Variants in KPNA2 observed in about 807,000 individuals in gnomAD.
KPNA2 encodes importin subunit alpha-1.
Under a neutral mutation model 53.7 loss-of-function variants are expected in KPNA2, and 20 were observed. The observed-to-expected ratio is 0.37, with a 90% CI of 0.26 to 0.54. The LOEUF (loss-of-function observed/expected upper bound fraction) is 0.54. KPNA2 is among the 20% of genes least tolerant of loss of function. KPNA2 has a pLI of 0.83. For synonymous variants in KPNA2, 238 were observed against 227.5 expected, an observed-to-expected ratio of 1.05 and a Z score of -0.42; for missense variants, 515 against 640.3, an observed-to-expected ratio of 0.80 and a Z score of 2.11.
chr17:68,044,207 C>A, intron 8 of KPNA2, 114 bp from the exon 9 acceptor site: 2 of 1,296,082 alleles, frequency 1.5e-6, no homozygotes, highest in Non-Finnish European at 2.2e-6. Flanking sequence ...ACCCCTTTTA[C>A]TTAAGGTTGG....
intron 3 of KPNA2, among the ~76,000 whole-genome samples, chr17:68,040,372 G>A (rs1208699451): frequency 6.6e-6 from 1 of 150,930 alleles, no homozygotes; most frequent in African/African-American, 2.4e-5. Flanking sequence ...TAGGCTTACA[G>A]GTGTGAGCCA....
intron 1 of KPNA2, chr17:68,036,269 A>C (rs1428393339): frequency 6.6e-6 from 1 of 152,282 alleles, no homozygotes; most frequent in Non-Finnish European, 1.5e-5. Flanking sequence ...GGCGAGCGTA[A>C]TGAAAGCAAA....
rs370385445 is a variant in KPNA2 at position 68,044,408 on chromosome 17, C to T, written c.1252C>T (p.His418Tyr). ...AGTTGAACAGATTGTGTACCTTGTT[C>T]ACTGTGGCATAATAGAACCGTTGAT... is the stretch of plus-strand genomic sequence containing the variant. ...GTVEQIVYLVHCGIIEPLMNL... is the reference protein window; with the variant it reads ...GTVEQIVYLVYCGIIEPLMNL... Residue 418 changes from histidine to tyrosine, a missense_variant, in exon 9 of 11, where the codon CAC (histidine) becomes TAC (tyrosine). By Grantham distance (83) the His-to-Tyr change is moderately conservative. Coordinates refer to ENST00000330459, the MANE Select transcript of KPNA2 (RefSeq NM_002266.4). The T allele has an allele frequency of 9.9e-6, 16 of 1,613,636 alleles. No individual in the cohort carries two copies. Among genetic ancestry groups the T allele is most frequent in the Non-Finnish European group, 1.4e-5 (16 of 1,179,656 alleles).
At chr17:68,043,501 C>G (rs1454078982) in intron 7 of KPNA2, 138 bp downstream of exon 7, 5 of 786,402 alleles carry the variant, frequency 6.4e-6, no homozygotes, top group African/African-American at 1.7e-5. Flanking sequence ...GTCAGGAGTT[C>G]GAGACCAGCC....
Position 68,045,908 on chromosome 17 carries a change from AT to A in KPNA2, c.1487del (p.Phe496SerfsTer3), listed in dbSNP as rs782052023. 2 of 1,589,702 alleles carry A rather than the reference AT, an allele frequency of 1.3e-6. No homozygotes were observed. The highest frequency in any genetic ancestry group is 1.7e-6 in the Non-Finnish European group (2 of 1,167,858). ...YKASLSLIEK[Y>X]FSVEEEEDQN... ...GCTTCGTTAAGCTTAATTGAGAAGTATTTCTCTGTAGAGGTGAGTAATGGAT... is the reference window on the plus strand; with the variant it reads ...GCTTCGTTAAGCTTAATTGAGAAGTATTCTCTGTAGAGGTGAGTAATGGAT... On this transcript the variant is annotated frameshift_variant, in exon 10 of 11. Transcript: ENST00000330459. LOFTEE classifies it high-confidence loss of function.
intron 1 of KPNA2, chr17:68,036,116 C>A: frequency 6.6e-6 from 1 of 152,364 alleles, no homozygotes; most frequent in Non-Finnish European, 1.5e-5. Context: ...GCGAATGTCC[C>A]GGGAGGACTT....
At chr17:68,043,554 A>C (rs1341936133) in intron 7 of KPNA2, among the ~76,000 whole-genome samples, 191 bp downstream of exon 7, 2 of 151,984 alleles carry the variant, frequency 1.3e-5, no homozygotes, top group Non-Finnish European at 2.9e-5. Context: ...AAATACAAAG[A>C]AATTATCTGG....
chr17:68,040,583 T>G (rs1555704401), intron 3 of KPNA2, 95 bp from the exon 4 acceptor site: 1 of 796,446 alleles, frequency 1.3e-6, no homozygotes, highest in Non-Finnish European at 2.2e-6. Flanking sequence ...GCTATAAGCC[T>G]AACGATGTTT....
In KPNA2 at chr17:68,046,067, C is replaced by T. The variant is rs558342562; in HGVS notation, c.1497+146C>T. 8.9e-5 allele frequency: 46 copies of T among 518,738 alleles called. No homozygotes were observed. In the South Asian group the frequency reaches 2.2e-3, roughly 25 times the overall value. 32.1% of individuals were successfully genotyped at this position (518,738 alleles called of 1,614,324 possible). The stretch of plus-strand genomic sequence containing the variant: ...GCATGGGACATAATGTACTTATTTG[C>T]CCCTCTAGTTTGGCTTGATGGTAAT... On this transcript the variant is annotated intron_variant, in intron 10 of 10. Transcript: ENST00000330459.
rs1050224480 is a variant in KPNA2 at position 68,042,410 on chromosome 17, A to G, written c.571+57A>G. 2.6e-6 allele frequency: 4 copies of G among 1,544,486 alleles called. No homozygotes were observed. The Admixed American group carries it at 6.9e-5, about 27-fold the overall frequency. The stretch of plus-strand genomic sequence containing the variant: ...GTATCTAATCGTAATTAGTTGGAAG[A>G]AAGGCCTTGTTATAAGTAATAGTGA... On this transcript the variant is annotated intron_variant, in intron 5 of 10. Transcript: ENST00000330459.
At chr17:68,041,405 AATT>A (rs2071258510) in intron 4 of KPNA2, among the ~76,000 whole-genome samples, 1 of 152,050 alleles carries the variant, frequency 6.6e-6, no homozygotes, top group Non-Finnish European at 1.5e-5. Context: ...CTACAAAAGA[AATT>A]ATTAGCTGGG....
At position 68,042,067 on chromosome 17, in the gene KPNA2, C is replaced by G. The variant is rs781963201; in HGVS notation, c.303-18C>G. On this transcript the variant is annotated intron_variant, in intron 4 of 10. Coordinates refer to ENST00000330459, the MANE Select transcript of KPNA2 (RefSeq NM_002266.4). Reference sequence around the variant, plus strand: ...TTAATCACTGTCAACTTTTATTTCTCTTTTTGTTCCCCTTTAGGAAACTAC... The same window carrying G: ...TTAATCACTGTCAACTTTTATTTCTGTTTTTGTTCCCCTTTAGGAAACTAC... The G allele has an allele frequency of 1.2e-5, 19 of 1,592,572 alleles. No homozygotes were observed. Among genetic ancestry groups the G allele is most frequent in the Admixed American group, 3.4e-5 (2 of 58,274 alleles).
At chr17:68,040,641 CT>C in intron 3 of KPNA2, 36 bp from the exon 4 acceptor site, 1 of 1,362,220 alleles carries the variant, frequency 7.3e-7, no homozygotes, top group Non-Finnish European at 1.0e-6. Context: ...TGTATTTAAT[CT>C]TAATGATAAT....
intron 5 of KPNA2, among the ~76,000 whole-genome samples, chr17:68,042,631 C>G (rs2071273733): frequency 6.6e-6 from 1 of 151,964 alleles, no homozygotes; most frequent in Admixed American, 6.6e-5. Flanking sequence ...GCCTGTAATC[C>G]CAGCACTTTG....
rs1204352639 is a variant in KPNA2, at chr17:68,046,769, G to C, written c.*173G>C. 6.9e-6 allele frequency: 3 copies of C among 433,586 alleles called. No individual in the cohort carries two copies. Among genetic ancestry groups the C allele is most frequent in the Non-Finnish European group, 1.3e-5 (3 of 238,236 alleles). The allele number at this position is 433,586 out of a possible 1,614,324, so 26.9% of individuals were successfully genotyped here. ...ACATACTGTATGAAGCTTGTCCTCTGACTAGGTTTCTAATTTCTATGTGGA... is the reference window on the plus strand; with the variant it reads ...ACATACTGTATGAAGCTTGTCCTCTCACTAGGTTTCTAATTTCTATGTGGA... On this transcript the variant is annotated 3_prime_UTR_variant, in exon 11 of 11. Transcript: ENST00000330459.
chr17:68,040,084 A>AG, intron 3 of KPNA2, among the ~76,000 whole-genome samples: 1 of 152,108 alleles, frequency 6.6e-6, no homozygotes. Flanking sequence ...GTCTCAAAAA[A>AG]AAAAAGAAAA....
rs782540298 is a variant in KPNA2 at position 68,037,101 on chromosome 17, A to G, written c.-23-9A>G. On this transcript the variant is annotated splice_polypyrimidine_tract_variant and intron_variant, in intron 1 of 10. Coordinates refer to ENST00000330459, the MANE Select transcript of KPNA2 (RefSeq NM_002266.4). ...AAAGGAAATATTTTTCTCTTCCCCCATCTTTTAGCTTTCTCCCTTTGTCTC... is the reference window on the plus strand; with the variant it reads ...AAAGGAAATATTTTTCTCTTCCCCCGTCTTTTAGCTTTCTCCCTTTGTCTC... The G allele has an allele frequency of 5.2e-6, 8 of 1,532,388 alleles. No homozygotes were observed. The highest frequency in any genetic ancestry group is 1.1e-5 in the South Asian group (1 of 88,356). 94.9% of individuals were successfully genotyped at this position (1,532,388 alleles called of 1,614,324 possible). A position where few individuals can be genotyped will look rare whatever the true frequency, so the allele number is the denominator to read the frequency against.
At position 68,040,559 on chromosome 17, in the gene KPNA2, ATATT is replaced by A. The variant is rs2071247782; in HGVS notation, c.214-116_214-113del. ...CAGGCAAAATTAAATGTAGGGCTAA[ATATT>A]TAGTAGCTGGCTATAAGCCTAACGA... On this transcript the variant is annotated intron_variant, in intron 3 of 10. Coordinates refer to ENST00000330459, the MANE Select transcript of KPNA2 (RefSeq NM_002266.4). 4 of 659,372 alleles carry A rather than the reference ATATT, an allele frequency of 6.1e-6. No individual in the cohort carries two copies. In the South Asian group the frequency reaches 7.5e-5, roughly 12 times the overall value. The allele number at this position is 659,372 out of a possible 1,614,324, so 40.8% of individuals were successfully genotyped here.
At chr17:68,038,592 C>T (rs184329228) in intron 3 of KPNA2, among the ~76,000 whole-genome samples, 7 of 152,224 alleles carry the variant, frequency 4.6e-5, no homozygotes, top group African/African-American at 7.2e-5. Flanking sequence ...GTTTTCGCTC[C>T]TTAAAATCCA....
Sources: allele counts gnomAD v4.1 joint callset (sites outside exome capture counted in the v4.1 genomes callset), GRCh38; gene constraint gnomAD v4.1.1; transcripts MANE v1.5; gene names NCBI Gene and HGNC (gene_info 2026-07-23, HGNC 2026-07-21).